The following DENND6A variants were observed in gnomAD, a reference collection of about 807,000 sequenced individuals.
DENND6A encodes the protein protein DENND6A.
DENND6A carries 43 observed loss-of-function variants against 95.5 expected under a neutral mutation model. The observed-to-expected ratio is 0.45, with a 90% CI of 0.35 to 0.58. The LOEUF (loss-of-function observed/expected upper bound fraction) is 0.58. DENND6A is among the 20% of genes least tolerant of loss of function. The probability of loss-of-function intolerance (pLI) is 0.00; values close to 1 mark genes in which losing one functional copy is unlikely to be tolerated. For synonymous variants in DENND6A, 257 were observed against 260.4 expected (o/e 0.99, Z 0.13); for missense variants, 574 against 736.0 (o/e 0.78, Z 2.55).
chr3:57,660,736 G>A (rs1240812840), intron 7 of DENND6A, 24 bp downstream of exon 7: 1 of 1,564,352 alleles, frequency 6.4e-7, no homozygotes, highest in Non-Finnish European at 8.6e-7. Flanking sequence ...ATAAAAAGGA[G>A]ACAATTGAGA....
intron 9 of DENND6A, among the ~76,000 whole-genome samples, chr3:57,655,076 C>G (rs1459508482): frequency 6.6e-6 from 1 of 151,486 alleles, no homozygotes; most frequent in Non-Finnish European, 1.5e-5. Flanking sequence ...TTCTGTTGCC[C>G]AGGCTGGAGT....
chr3:57,655,707 C>T (rs1197264283), intron 9 of DENND6A, among the ~76,000 whole-genome samples: 26 of 152,122 alleles, frequency 1.7e-4, no homozygotes, highest in Admixed American at 1.7e-3. Flanking sequence ...TTGGGCCCAT[C>T]CCCAAGATAT....
At chr3:57,692,505 ACT>A (rs779039484) in intron 1 of DENND6A, among the ~76,000 whole-genome samples, 5 of 152,198 alleles carry the variant, frequency 3.3e-5, no homozygotes, top group South Asian at 2.1e-4. Flanking sequence ...TAATTCTGTG[ACT>A]CTGCGTTTAA....
chr3:57,684,065 T>C (rs888895950), intron 1 of DENND6A, among the ~76,000 whole-genome samples: 3 of 146,364 alleles, frequency 2.0e-5, no homozygotes, highest in Admixed American at 6.9e-5. Context: ...AGGCAGAGAA[T>C]TGCTTGAACC....
chr3:57,635,369 T>C (rs2070769909), intron 12 of DENND6A, among the ~76,000 whole-genome samples: 1 of 152,140 alleles, frequency 6.6e-6, no homozygotes, highest in Non-Finnish European at 1.5e-5. Context: ...ATAGCTTGTG[T>C]AGTATATGCA....
At chr3:57,643,411 T>TC (rs1012406114) in intron 11 of DENND6A, among the ~76,000 whole-genome samples, 28 of 151,636 alleles carry the variant, frequency 1.8e-4, no homozygotes, top group African/African-American at 6.3e-4. Context: ...AACATCCCCC[T>TC]CCCCCCACAA....
At chr3:57,667,696 C>T (rs558620562) in intron 3 of DENND6A, among the ~76,000 whole-genome samples, 1 of 152,226 alleles carries the variant, frequency 6.6e-6, no homozygotes, top group South Asian at 2.1e-4. Flanking sequence ...TGTTACTGTT[C>T]CATAACCAAA....
Position 57,660,810 on chromosome 3 carries a change from G to A in DENND6A, c.649C>T (p.Pro217Ser), listed in dbSNP as rs1483816253. 3 of 1,607,944 alleles carry A rather than the reference G, an allele frequency of 1.9e-6. No homozygotes were observed. Among genetic ancestry groups the A allele is most frequent in the African/African-American group, 1.3e-5 (1 of 74,624 alleles). The change falls in exon 7 of 20, where the codon CCA becomes TCA. Residue 217 changes from proline to serine, a missense_variant. Physicochemically the swap from Pro to Ser is moderately conservative, Grantham distance 74. This residue lies in a region of DENND6A where 452 missense variants were observed against 630.9 expected (regional missense o/e 0.72). Transcript: ENST00000311128. ...AGGTGTAATGTTTTCCCTGGCACTG[G>A]GGCAGGCCATCGATCAACATCATTA... ...ACNDVDRWPAPVPGKTLHLPI... is the reference protein window; with the variant it reads ...ACNDVDRWPASVPGKTLHLPI...
intron 3 of DENND6A, among the ~76,000 whole-genome samples, chr3:57,668,483 A>G (rs1180850974): frequency 6.6e-6 from 1 of 152,212 alleles, no homozygotes; most frequent in Non-Finnish European, 1.5e-5. Context: ...CATCCAGATG[A>G]TGTTAATGGT....
At chr3:57,643,161 T>C (rs2070988693) in intron 11 of DENND6A, among the ~76,000 whole-genome samples, 1 of 151,710 alleles carries the variant, frequency 6.6e-6, no homozygotes, top group South Asian at 2.1e-4. Context: ...AGAAATGTAA[T>C]CAGAGATATT....
intron 1 of DENND6A, among the ~76,000 whole-genome samples, chr3:57,682,023 T>G (rs570056080): frequency 6.6e-6 from 1 of 152,184 alleles, no homozygotes; most frequent in Non-Finnish European, 1.5e-5. Flanking sequence ...ATAGACACAA[T>G]AATTCAAACC....
chr3:57,639,060 T>C (rs988469520), intron 12 of DENND6A, among the ~76,000 whole-genome samples: 1 of 152,136 alleles, frequency 6.6e-6, no homozygotes, highest in Non-Finnish European at 1.5e-5. Flanking sequence ...ATTGTGCCAA[T>C]GCACTCCAGC....
At chr3:57,680,995 C>G (rs554645636) in intron 1 of DENND6A, among the ~76,000 whole-genome samples, 2 of 152,216 alleles carry the variant, frequency 1.3e-5, no homozygotes, top group African/African-American at 4.8e-5. Context: ...CAAGAAGTTA[C>G]AACATAGAGT....
chr3:57,648,597 C>T (rs754928008), intron 9 of DENND6A, among the ~76,000 whole-genome samples: 4 of 152,144 alleles, frequency 2.6e-5, no homozygotes, highest in Non-Finnish European at 4.4e-5. Flanking sequence ...GGAAGCAATA[C>T]ATTATCTGCC....
At chr3:57,666,386 G>T in intron 3 of DENND6A, 151 bp from the exon 4 acceptor site, 1 of 651,344 alleles carries the variant, frequency 1.5e-6, no homozygotes, top group Non-Finnish European at 2.5e-6. Flanking sequence ...AAGAGTTCCA[G>T]TGACTTGCTC....
chr3:57,666,772 G>C (rs1289045161), intron 3 of DENND6A, among the ~76,000 whole-genome samples: 2 of 152,156 alleles, frequency 1.3e-5, no homozygotes. Context: ...AGTACTATTA[G>C]ATAATCTCTA....
At chr3:57,653,046 G>C (rs577069755) in intron 9 of DENND6A, among the ~76,000 whole-genome samples, 1 of 152,276 alleles carries the variant, frequency 6.6e-6, no homozygotes, top group East Asian at 1.9e-4. Context: ...TTGTATACTT[G>C]TTTGTAGGAA....
chr3:57,669,236 G>C (rs1356765092), intron 3 of DENND6A, among the ~76,000 whole-genome samples: 1 of 152,000 alleles, frequency 6.6e-6, no homozygotes, highest in East Asian at 1.9e-4. Flanking sequence ...ACTGAAAATA[G>C]CAATTTCAAA....
intron 1 of DENND6A, among the ~76,000 whole-genome samples, chr3:57,681,149 T>C (rs1339019221): frequency 6.6e-6 from 1 of 152,106 alleles, no homozygotes; most frequent in Non-Finnish European, 1.5e-5. Flanking sequence ...GACAACATAG[T>C]GAGACTCTGT....
Sources: gnomAD v4.1 joint callset for allele counts (sites outside exome capture counted in the v4.1 genomes callset) on GRCh38, gnomAD v4.1.1 for gene constraint, gnomAD v4.1.1 regional missense constraint, MANE v1.5 for transcripts, NCBI Gene and HGNC (gene_info 2026-07-23, HGNC 2026-07-21) for gene names.